Variants in TBC1D32 observed in about 807,000 individuals in gnomAD.
TBC1D32 encodes protein broad-minded.
A neutral mutation model predicts 170.3 loss-of-function variants in TBC1D32; 151 were observed. The observed-to-expected ratio is 0.89, with a 90% CI of 0.78 to 1.01. The LOEUF (loss-of-function observed/expected upper bound fraction) is 1.01. Among genes scored for constraint, TBC1D32 ranks in the 50% least tolerant of loss-of-function variants. The pLI is 0.00. For missense variants in TBC1D32, 1,464 were observed against 1,457.1 expected (o/e 1.00, Z -0.08); for synonymous variants, 498 against 488.0 (o/e 1.02, Z -0.27).
intron 31 of TBC1D32, among the ~76,000 whole-genome samples, chr6:121,088,085 G>A (rs1345188707): frequency 6.6e-6 from 1 of 151,580 alleles, no homozygotes; most frequent in East Asian, 1.9e-4. Flanking sequence ...TCAGTAGCTG[G>A]GACTATAGGT....
intron 22 of TBC1D32, among the ~76,000 whole-genome samples, chr6:121,187,288 T>C (rs1402689662): frequency 3.9e-5 from 6 of 152,094 alleles, no homozygotes; most frequent in Admixed American, 3.9e-4. Flanking sequence ...AGCTAAATGG[T>C]GTAGGAATGC....
chr6:121,318,995 T>C (rs1271495105), intron 2 of TBC1D32, among the ~76,000 whole-genome samples: 2 of 150,258 alleles, frequency 1.3e-5, no homozygotes, highest in African/African-American at 4.9e-5. Context: ...AGATTTTATA[T>C]AAAAAGTATA....
chr6:121,148,458 G>A (rs187190475), intron 24 of TBC1D32, among the ~76,000 whole-genome samples: 157 of 152,214 alleles, frequency 1.0e-3, no homozygotes, highest in African/African-American at 3.6e-3. Context: ...GTGTGCATGT[G>A]TCTTTATAAC....
At chr6:121,325,002 G>A (rs1022724821) in intron 1 of TBC1D32, among the ~76,000 whole-genome samples, 2 of 152,108 alleles carry the variant, frequency 1.3e-5, no homozygotes, top group Non-Finnish European at 2.9e-5. Flanking sequence ...CAGAGGTCAG[G>A]AGTTCAAGAC....
chr6:121,100,464 A>G (rs934339790), intron 30 of TBC1D32, among the ~76,000 whole-genome samples: 6 of 151,980 alleles, frequency 3.9e-5, no homozygotes, highest in African/African-American at 1.4e-4. Context: ...TATTGGGTGC[A>G]TATATATTTA....
intron 4 of TBC1D32, 73 bp downstream of exon 4, chr6:121,310,706 C>T: frequency 1.0e-6 from 1 of 958,944 alleles, no homozygotes; most frequent in Non-Finnish European, 1.6e-6. Context: ...AACCTGGTTG[C>T]TACTGATTGT....
At position 121,245,256 on chromosome 6, in the gene TBC1D32, G is replaced by A. The variant is rs141232794; in HGVS notation, c.2019-2917C>T. On this transcript the variant is annotated intron_variant, in intron 17 of 31. Transcript: ENST00000398212. The stretch of plus-strand genomic sequence containing the variant: ...CAGGTGCTGGTATCCACTGCTGGGA[G>A]ACTTGAAGACAGGTCACATCACTGA... Among the ~76,000 whole-genome samples, 432 of 152,334 alleles carry A rather than the reference G, an allele frequency of 2.8e-3. 3 individuals are homozygous for A. Among genetic ancestry groups the A allele is most frequent in the African/African-American group, 9.9e-3 (411 of 41,584 alleles).
At chr6:121,304,085 C>T (rs1374839260) in intron 8 of TBC1D32, among the ~76,000 whole-genome samples, 4 of 144,908 alleles carry the variant, frequency 2.8e-5, no homozygotes, top group East Asian at 4.1e-4. Flanking sequence ...AAGAACCTAA[C>T]GCAGACCTTC....
At chr6:121,277,800 G>A (rs909570645) in intron 15 of TBC1D32, among the ~76,000 whole-genome samples, 31 of 150,692 alleles carry the variant, frequency 2.1e-4, no homozygotes, top group African/African-American at 7.6e-4. Flanking sequence ...GAAATCAATA[G>A]AGAAAAATCA....
intron 30 of TBC1D32, among the ~76,000 whole-genome samples, chr6:121,105,121 G>T (rs1273816933): frequency 6.6e-6 from 1 of 151,820 alleles, no homozygotes; most frequent in Admixed American, 6.6e-5. Context: ...CTCTAAGATA[G>T]GTGGGCAATT....
At chr6:121,227,611 A>G (rs576698218) in intron 20 of TBC1D32, among the ~76,000 whole-genome samples, 67 of 151,974 alleles carry the variant, frequency 4.4e-4, no homozygotes, top group African/African-American at 1.5e-3. Context: ...GTTAAGTCGT[A>G]TTTTCATACT....
intron 31 of TBC1D32, among the ~76,000 whole-genome samples, chr6:121,081,118 A>G (rs1775604305): frequency 6.6e-6 from 1 of 152,196 alleles, no homozygotes; most frequent in East Asian, 1.9e-4. Flanking sequence ...TCAAAACCAA[A>G]AATGATTTAC....
intron 21 of TBC1D32, among the ~76,000 whole-genome samples, chr6:121,218,912 C>T (rs1364670795): frequency 6.6e-6 from 1 of 152,140 alleles, no homozygotes; most frequent in Non-Finnish European, 1.5e-5. Flanking sequence ...TCTTCCCCTT[C>T]CACCATGATT....
chr6:121,263,761 G>A (rs1758816603), intron 15 of TBC1D32, among the ~76,000 whole-genome samples: 1 of 151,618 alleles, frequency 6.6e-6, no homozygotes, highest in Admixed American at 6.6e-5. Context: ...AAACCACAGT[G>A]CAAAACTCAA....
At chr6:121,084,552 C>A (rs916396603) in intron 31 of TBC1D32, among the ~76,000 whole-genome samples, 2 of 152,034 alleles carry the variant, frequency 1.3e-5, no homozygotes, top group African/African-American at 4.8e-5. Context: ...TATAAGGGAG[C>A]CATTTATCTA....
intron 20 of TBC1D32, among the ~76,000 whole-genome samples, chr6:121,238,505 T>C (rs74794640): frequency 0.024 from 3,675 of 152,234 alleles, 163 homozygotes; most frequent in East Asian, 0.12. Context: ...TAAGCTACCA[T>C]ACAATCAAAG....
chr6:121,142,105 G>T (rs559278200), intron 24 of TBC1D32, among the ~76,000 whole-genome samples: 1 of 152,190 alleles, frequency 6.6e-6, no homozygotes, highest in South Asian at 2.1e-4. Flanking sequence ...AAATAAATGC[G>T]AGCATCGCCA....
At chr6:121,089,155 C>T (rs986242139) in intron 31 of TBC1D32, among the ~76,000 whole-genome samples, 1 of 152,060 alleles carries the variant, frequency 6.6e-6, no homozygotes, top group African/African-American at 2.4e-5. Flanking sequence ...ACATTATTTA[C>T]TTACACAATC....
At chr6:121,251,198 A>G (rs553342882) in intron 17 of TBC1D32, among the ~76,000 whole-genome samples, 53 of 152,230 alleles carry the variant, frequency 3.5e-4, no homozygotes, top group African/African-American at 1.2e-3. Context: ...GCTACCATTG[A>G]CTTTCCTCAT....
Sources: gnomAD v4.1 joint callset for allele counts (sites outside exome capture counted in the v4.1 genomes callset) on GRCh38, gnomAD v4.1.1 for gene constraint, MANE v1.5 for transcripts, NCBI Gene and HGNC (gene_info 2026-07-23, HGNC 2026-07-21) for gene names.